Variants in PCNX2 observed in about 807,000 individuals in gnomAD.
The protein encoded by PCNX2 is pecanex 2, also known as pecanex-like protein 2.
PCNX2 carries 168 observed loss-of-function variants against 223.8 expected under a neutral mutation model. The observed-to-expected ratio is 0.75, with a 90% CI of 0.66 to 0.85. The LOEUF is 0.85. Among genes scored for constraint, PCNX2 ranks in the 40% least tolerant of loss-of-function variants. The pLI is 0.00. For synonymous variants in PCNX2, 1,006 were observed against 1,052.6 expected (o/e 0.96, Z 0.86); for missense variants, 2,507 against 2,675.5 (o/e 0.94, Z 1.39).
At position 233,258,964 on chromosome 1, in the gene PCNX2, G is replaced by GT. The variant is rs1312879254; in HGVS notation, c.897dup (p.Gln300ThrfsTer17). On this transcript the variant is annotated frameshift_variant, in exon 5 of 34. Transcript: ENST00000258229. LOFTEE classifies it high-confidence loss of function. The stretch of plus-strand genomic sequence containing the variant: ...AGGCTGTCCTGAGGTGACTTGCTTT[G>GT]TACCCGTTCCCTTATGGAGCCCCGG... 5 of 1,613,872 alleles carry GT rather than the reference G, an allele frequency of 3.1e-6. No individual in the cohort carries two copies. Among genetic ancestry groups the GT allele is most frequent in the Non-Finnish European group, 4.2e-6 (5 of 1,179,876 alleles).
intron 19 of PCNX2, among the ~76,000 whole-genome samples, chr1:233,149,036 G>C (rs1677637018): frequency 6.6e-6 from 1 of 152,162 alleles, no homozygotes; most frequent in Admixed American, 6.6e-5. Context: ...GATTGTGTTA[G>C]GGTTCACACA....
At chr1:233,052,442 C>T (rs1672041289) in intron 25 of PCNX2, among the ~76,000 whole-genome samples, 1 of 152,178 alleles carries the variant, frequency 6.6e-6, no homozygotes, top group African/African-American at 2.4e-5. Flanking sequence ...AGAACTACAT[C>T]GGATGACTTG....
In PCNX2 at chr1:233,208,500, AC is replaced by A; in HGVS notation, c.2863+17del. On this transcript the variant is annotated intron_variant, in intron 13 of 33. Coordinates refer to ENST00000258229, the MANE Select transcript of PCNX2 (RefSeq NM_014801.4). ...CCCAACCCCCATATTCTTCCCCACA[AC>A]CCCATAATTAACTCACCTATTAAGT... is the stretch of plus-strand genomic sequence containing the variant. 6.2e-7 allele frequency: 1 copy of A among 1,605,580 alleles called. No individual in the cohort carries two copies. The highest frequency in any genetic ancestry group is 1.1e-5 in the South Asian group (1 of 90,494).
chr1:233,120,874 A>T (rs552849594), intron 21 of PCNX2, among the ~76,000 whole-genome samples: 78 of 152,170 alleles, frequency 5.1e-4, no homozygotes, highest in Non-Finnish European at 4.3e-4. Flanking sequence ...AATTTTTTTT[A>T]AAAAAGAACC....
At chr1:233,248,687 G>GT (rs1161988826) in intron 8 of PCNX2, among the ~76,000 whole-genome samples, 4 of 152,086 alleles carry the variant, frequency 2.6e-5, no homozygotes, top group African/African-American at 9.7e-5. Flanking sequence ...TTTGAGATGG[G>GT]TTTCCTTCCT....
chr1:233,088,754 C>T (rs1011315934), intron 23 of PCNX2, among the ~76,000 whole-genome samples: 9 of 152,124 alleles, frequency 5.9e-5, no homozygotes, highest in Non-Finnish European at 1.0e-4. Context: ...GAGATCCCCC[C>T]GAGTCATGGT....
intron 23 of PCNX2, 197 bp from the exon 24 acceptor site, chr1:233,057,487 A>G (rs888464111): frequency 2.5e-5 from 14 of 552,552 alleles, no homozygotes; most frequent in Admixed American, 9.4e-5. Flanking sequence ...TACAAGAAAC[A>G]CATGGAAGGG....
intron 23 of PCNX2, among the ~76,000 whole-genome samples, chr1:233,066,982 C>A (rs1370820110): frequency 6.6e-6 from 1 of 152,130 alleles, no homozygotes; most frequent in African/African-American, 2.4e-5. Context: ...CAAGCAATAA[C>A]AAGAAACTTT....
chr1:233,097,968 G>C (rs72763915), intron 21 of PCNX2, among the ~76,000 whole-genome samples: 19,257 of 152,188 alleles, frequency 0.13, 1,319 homozygotes, highest in Middle Eastern at 0.16. Context: ...TCCTGCACAT[G>C]TGTACCTAAT....
At position 233,295,167 on chromosome 1, in the gene PCNX2, G is replaced by T. The variant is rs1662003836; in HGVS notation, c.153+159C>A. On this transcript the variant is annotated intron_variant, in intron 1 of 33. Transcript: ENST00000258229. The surrounding 1 kb of genome is among the most constrained non-coding windows in gnomAD (Gnocchi z 4.1). ...TGAATCCTCACAGTCCCCTTTCCCT[G>T]CATGTTCTCTGTCCCAAATTTCTGA... Among the ~76,000 whole-genome samples, 1 of 152,034 alleles carries T rather than the reference G, an allele frequency of 6.6e-6. No individual in the cohort carries two copies. Among genetic ancestry groups the T allele is most frequent in the East Asian group, 1.9e-4 (1 of 5,178 alleles).
intron 17 of PCNX2, among the ~76,000 whole-genome samples, chr1:233,169,513 C>T (rs764588368): frequency 3.3e-5 from 5 of 151,124 alleles, no homozygotes; most frequent in Non-Finnish European, 5.9e-5. Context: ...GGCATGGTGG[C>T]GCGCGCCTGT....
At chr1:233,191,571 C>A (rs544171996) in intron 15 of PCNX2, among the ~76,000 whole-genome samples, 1 of 152,144 alleles carries the variant, frequency 6.6e-6, no homozygotes, top group African/African-American at 2.4e-5. Flanking sequence ...GCAAGTTACT[C>A]GTGCACAAGT....
rs376943559 is a variant in PCNX2 at position 233,034,541 on chromosome 1, T to C, written c.4352-9142A>G. Among the ~76,000 whole-genome samples, 6 of 152,308 alleles carry C rather than the reference T, an allele frequency of 3.9e-5. No homozygotes were observed. The South Asian group carries it at 1.2e-3, about 32-fold the overall frequency. The stretch of plus-strand genomic sequence containing the variant: ...AAGACAATTTATCTTCATCTAGTTT[T>C]GACAATTCTTAAGTATTGAGTGGCA... On this transcript the variant is annotated intron_variant, in intron 25 of 33. Transcript: ENST00000258229.
At chr1:233,054,088 A>G (rs1447317944) in intron 25 of PCNX2, among the ~76,000 whole-genome samples, 180 bp downstream of exon 25, 1 of 152,170 alleles carries the variant, frequency 6.6e-6, no homozygotes. Flanking sequence ...TCTATGTTTT[A>G]TGTTTTTATT....
At chr1:233,242,679 G>A (rs1265792594) in intron 8 of PCNX2, among the ~76,000 whole-genome samples, 1 of 152,202 alleles carries the variant, frequency 6.6e-6, no homozygotes, top group Non-Finnish European at 1.5e-5. Context: ...AAGATCTACT[G>A]AGTAGTAATA....
At chr1:233,103,057 A>G (rs142540021) in intron 21 of PCNX2, among the ~76,000 whole-genome samples, 1 of 152,204 alleles carries the variant, frequency 6.6e-6, no homozygotes, top group Non-Finnish European at 1.5e-5. Flanking sequence ...GTATGGTGAG[A>G]GATAGGATGA....
rs12086387 is a variant in PCNX2 at position 233,288,134 on chromosome 1, T to C, written c.153+7192A>G. On this transcript the variant is annotated intron_variant, in intron 1 of 33. Transcript: ENST00000258229. The stretch of plus-strand genomic sequence containing the variant: ...GAGAAGACGATATAGCAATAAGATA[T>C]TTAATGTTTAAAATTTACCATTTAG... 5.5e-3 allele frequency among the ~76,000 whole-genome samples: 840 copies of C among 152,314 alleles called. 4 individuals carry two copies. Among genetic ancestry groups the C allele is most frequent in the African/African-American group, 0.018 (751 of 41,556 alleles).
intron 12 of PCNX2, among the ~76,000 whole-genome samples, chr1:233,211,464 A>C (rs1681812383): frequency 6.6e-6 from 1 of 152,112 alleles, no homozygotes; most frequent in Non-Finnish European, 1.5e-5. Context: ...AAACAACAAC[A>C]GCCACAACAG....
At chr1:233,309,436 G>A in the PCNX2 span, among the ~76,000 whole-genome samples, 2 of 151,722 alleles carry the variant, frequency 1.3e-5, no homozygotes, top group South Asian at 2.1e-4. Flanking sequence ...AGCTACTCTG[G>A]AGGCTGAGGC....
Sources: gnomAD v4.1 joint callset for allele counts (sites outside exome capture counted in the v4.1 genomes callset) on GRCh38, gnomAD v4.1.1 for gene constraint, Gnocchi (gnomAD v3.1) non-coding constraint, MANE v1.5 for transcripts, NCBI Gene and HGNC (gene_info 2026-07-23, HGNC 2026-07-21) for gene names.